PAAF1: variants seen among roughly 807,000 people sequenced by gnomAD.
PAAF1 encodes proteasomal ATPase associated factor 1.
A neutral mutation model predicts 52.8 loss-of-function variants in PAAF1; 46 were observed. The ratio of observed to expected loss-of-function variants is 0.87; its 90% CI spans 0.69 to 1.11. The LOEUF (loss-of-function observed/expected upper bound fraction) is 1.11, where lower values mean the gene tolerates loss of function less well. PAAF1 is among the 50% of genes most tolerant of loss of function. The pLI, the probability that PAAF1 is intolerant of heterozygous loss-of-function variation, is 0.00. For synonymous variants in PAAF1, 178 were observed against 172.8 expected (o/e 1.03, Z -0.24); for missense variants, 424 against 477.4 (o/e 0.89, Z 1.04).
At chr11:73,877,174 A>C in intron 1 of PAAF1, 106 bp downstream of exon 1, 1 of 1,187,038 alleles carries the variant, frequency 8.4e-7, no homozygotes, top group Non-Finnish European at 1.1e-6. Context: ...TTACTTCGTC[A>C]ATTGTCGAGG....
intron 5 of PAAF1, among the ~76,000 whole-genome samples, chr11:73,899,914 G>T (rs1161773229): frequency 6.6e-6 from 1 of 152,048 alleles, no homozygotes; most frequent in Non-Finnish European, 1.5e-5. Flanking sequence ...CTTTACAAAG[G>T]ATTTTAAACA....
chr11:73,925,376 C>T lies in PAAF1; in HGVS notation c.1101+679C>T, dbSNP rs566545441. 6.0e-5 allele frequency among the ~76,000 whole-genome samples: 9 copies of T among 149,476 alleles called. No homozygotes were observed. In the East Asian group the frequency reaches 1.6e-3, roughly 26 times the overall value. ...ACTCATTTGGGAGGCCAAGATGGGA[C>T]GATTGCTTGGGCCTGGGAAGTTGAG... On this transcript the variant is annotated intron_variant, in intron 11 of 11. Transcript: ENST00000310571.
In PAAF1 at chr11:73,919,023, G is replaced by T. The variant is rs760253215; in HGVS notation, c.1009G>T (p.Ala337Ser). 6.2e-7 allele frequency: 1 copy of T among 1,613,634 alleles called. No individual in the cohort carries two copies. Among genetic ancestry groups the T allele is most frequent in the Non-Finnish European group, 8.5e-7 (1 of 1,179,796 alleles). ...SLLSVRDGFIASQGDGSCFIV... is the reference protein window; with the variant it reads ...SLLSVRDGFISSQGDGSCFIV... Reference sequence around the variant, plus strand: ...GCTAAGTGTCAGAGATGGATTCATTGCTAGCCAAGGTGGGTCCATGGGCCA... The same window carrying T: ...GCTAAGTGTCAGAGATGGATTCATTTCTAGCCAAGGTGGGTCCATGGGCCA... Residue 337 changes from alanine to serine, a missense_variant, in exon 10 of 12, where the codon GCT becomes TCT. Transcript: ENST00000310571.
chr11:73,921,987 A>G (rs1950231647), intron 10 of PAAF1: 3 of 837,226 alleles, frequency 3.6e-6, no homozygotes, highest in South Asian at 2.6e-5. Flanking sequence ...AGATACGTAT[A>G]TCAAGGTCCT....
chr11:73,896,842 C>T (rs1949385459), intron 4 of PAAF1, among the ~76,000 whole-genome samples: 1 of 151,750 alleles, frequency 6.6e-6, no homozygotes, highest in African/African-American at 2.4e-5. Context: ...GGTGGCCGGG[C>T]AGAGGGGCTC....
At chr11:73,901,567 A>G (rs774183952) in intron 6 of PAAF1, among the ~76,000 whole-genome samples, 2 of 151,530 alleles carry the variant, frequency 1.3e-5, no homozygotes, top group Non-Finnish European at 2.9e-5. Flanking sequence ...TGTGAACCTC[A>G]GTACATTGTA....
At chr11:73,889,306 T>C (rs12295206) in intron 3 of PAAF1, 64,549 of 1,001,604 alleles carry the variant, frequency 0.064, 2,622 homozygotes, top group East Asian at 0.17. Flanking sequence ...CTTTGCTAAT[T>C]TGATATTGCT....
At chr11:73,897,789 G>A (rs1369087830) in intron 4 of PAAF1, among the ~76,000 whole-genome samples, 1 of 152,192 alleles carries the variant, frequency 6.6e-6, no homozygotes, top group African/African-American at 2.4e-5. Flanking sequence ...TGGCGGCCGG[G>A]CAGAGGCTGC....
chr11:73,918,999 C>A lies in PAAF1; in HGVS notation c.985C>A (p.Leu329Ile), dbSNP rs2135224895. The A allele has an allele frequency of 6.2e-7, 1 of 1,614,054 alleles. No individual in the cohort carries two copies. Among genetic ancestry groups the A allele is most frequent in the South Asian group, 1.1e-5 (1 of 91,056 alleles). ...ATCAGGAGCACCAGTTCTATCCCTG[C>A]TAAGTGTCAGAGATGGATTCATTGC... ...HRSGAPVLSL[L>I]SVRDGFIASQ... The change falls in exon 10 of 12, where the codon CTA becomes ATA. Residue 329 changes from leucine to isoleucine, a missense_variant. By Grantham distance (5) the Leu-to-Ile change is conservative. Transcript: ENST00000310571.
chr11:73,899,735 T>C (rs1949544389), intron 5 of PAAF1, among the ~76,000 whole-genome samples: 1 of 152,144 alleles, frequency 6.6e-6, no homozygotes, highest in African/African-American at 2.4e-5. Context: ...TTCGAGAACC[T>C]TTCTCAAGCT....
At chr11:73,902,760 G>C (rs187351868) in intron 6 of PAAF1, among the ~76,000 whole-genome samples, 3 of 152,144 alleles carry the variant, frequency 2.0e-5, no homozygotes, top group East Asian at 1.9e-4. Flanking sequence ...GCAGTGGCGC[G>C]ATCTTGGCTC....
chr11:73,884,139 G>A (rs1411254250), intron 2 of PAAF1, among the ~76,000 whole-genome samples: 3 of 152,030 alleles, frequency 2.0e-5, no homozygotes, highest in African/African-American at 7.3e-5. Context: ...GTAAGTGGTT[G>A]GATTGATCCT....
At chr11:73,906,434 T>G (rs1467841656) in intron 6 of PAAF1, among the ~76,000 whole-genome samples, 2 of 152,166 alleles carry the variant, frequency 1.3e-5, no homozygotes, top group African/African-American at 2.4e-5. Flanking sequence ...TGTATTTTAG[T>G]AGAGACGGGT....
intron 4 of PAAF1, among the ~76,000 whole-genome samples, chr11:73,893,659 C>T (rs1186415355): frequency 2.1e-5 from 3 of 142,634 alleles, no homozygotes; most frequent in Admixed American, 7.4e-5. Context: ...ATCGCTTGAA[C>T]GCGGGAGGCA....
chr11:73,909,577 C>G lies in PAAF1; in HGVS notation c.711C>G (p.Ser237=), dbSNP rs761961976. The change falls in exon 7 of 12, where the codon TCC becomes TCG. Residue 237 remains serine, a synonymous_variant. Coordinates refer to ENST00000310571, the MANE Select transcript of PAAF1 (RefSeq NM_025155.3). ...CTGACAACTCCATAAACCTTGGCTC[C>G]CCTGAGCAGATGCCCAGTAAGTTGA... The part of the protein sequence containing the change: ...GAADNSINLG[S]PEQMPSEREV... The G allele has an allele frequency of 1.2e-6, 2 of 1,614,046 alleles. No homozygotes were observed. The highest frequency in any genetic ancestry group is 1.3e-5 in the African/African-American group (1 of 75,000).
At chr11:73,890,027 T>C (rs1276749110) in intron 3 of PAAF1, among the ~76,000 whole-genome samples, 1 of 152,208 alleles carries the variant, frequency 6.6e-6, no homozygotes, top group Non-Finnish European at 1.5e-5. Flanking sequence ...GCTTGTTGGA[T>C]ATAAAGAGGT....
At chr11:73,878,660 T>TGTCTAAGTA in intron 1 of PAAF1, 119 bp from the exon 2 acceptor site, 1 of 745,906 alleles carries the variant, frequency 1.3e-6, no homozygotes. Flanking sequence ...GGTTGGACTA[T>TGTCTAAGTA]CTCATGTCTA....
intron 10 of PAAF1, among the ~76,000 whole-genome samples, chr11:73,920,937 C>T (rs980231746): frequency 2.6e-5 from 4 of 152,000 alleles, no homozygotes; most frequent in Admixed American, 6.6e-5. Context: ...GAGGCCAAGG[C>T]GGATAGATCA....
chr11:73,926,577 T>C (rs1950365982), intron 11 of PAAF1, among the ~76,000 whole-genome samples: 1 of 151,940 alleles, frequency 6.6e-6, no homozygotes, highest in African/African-American at 2.4e-5. Flanking sequence ...GGCGTGGTGG[T>C]GGGTGTGTGT....
Sources: allele counts gnomAD v4.1 joint callset (sites outside exome capture counted in the v4.1 genomes callset), GRCh38; gene constraint gnomAD v4.1.1; transcripts MANE v1.5; gene names NCBI Gene and HGNC (gene_info 2026-07-23, HGNC 2026-07-21).